Variants in ODF2L observed in about 807,000 individuals in gnomAD.
ODF2L encodes outer dense fiber of sperm tails 2 like.
ODF2L carries 76 observed loss-of-function variants against 86.3 expected under a neutral mutation model. The ratio of observed to expected loss-of-function variants is 0.88; its 90% CI spans 0.73 to 1.07. The LOEUF (loss-of-function observed/expected upper bound fraction) is 1.07, where lower values mean the gene tolerates loss of function less well. ODF2L is among the 50% of genes least tolerant of loss of function. The probability of loss-of-function intolerance (pLI) is 0.00; values close to 1 mark genes in which losing one functional copy is unlikely to be tolerated. For missense variants in ODF2L, 748 were observed against 717.4 expected, an observed-to-expected ratio of 1.04 and a Z score of -0.49; for synonymous variants, 241 against 231.3, an observed-to-expected ratio of 1.04 and a Z score of -0.38.
intron 13 of ODF2L, 93 bp from the exon 13 acceptor site, chr1:86,356,695 G>T: frequency 9.9e-7 from 1 of 1,014,110 alleles, no homozygotes; most frequent in South Asian, 2.4e-5. Context: ...TATAACGTAA[G>T]TATTTTAGGT....
At position 86,381,900 on chromosome 1, in the gene ODF2L, C is replaced by T. The variant is rs912704293; in HGVS notation, c.624+342G>A. 3 of 165,096 alleles carry T rather than the reference C, an allele frequency of 1.8e-5. No individual in the cohort carries two copies. In the Admixed American group the frequency reaches 1.9e-4, roughly 11 times the overall value. 10.2% of individuals were successfully genotyped at this position (165,096 alleles called of 1,614,324 possible). A position where few individuals can be genotyped will look rare whatever the true frequency, so the allele number is the denominator to read the frequency against. ...GGAGAAAAAAGATTGAAATAATGTA[C>T]ACCAAAATGTTAACAATGATTTTGG... On this transcript the variant is annotated intron_variant, in intron 7 of 17. Coordinates refer to ENST00000317336, the Ensembl canonical transcript of ODF2L.
chr1:86,387,734 A>G (rs970407842), intron 1 of ODF2L, among the ~76,000 whole-genome samples: 1 of 152,130 alleles, frequency 6.6e-6, no homozygotes, highest in South Asian at 2.1e-4. Context: ...AACTACTCCA[A>G]TTTAAGTAAT....
chr1:86,388,522 C>A (rs1054774975), intron 1 of ODF2L, among the ~76,000 whole-genome samples: 1 of 151,746 alleles, frequency 6.6e-6, no homozygotes, highest in Admixed American at 6.6e-5. Flanking sequence ...AATAATTGAA[C>A]GAAAACATTA....
intron 1 of ODF2L, among the ~76,000 whole-genome samples, chr1:86,391,876 G>C (rs1043538393): frequency 3.0e-4 from 46 of 152,272 alleles, no homozygotes; most frequent in African/African-American, 1.1e-3. Context: ...AAGAGCTTTT[G>C]CATGGCAAAA....
At chr1:86,352,771 A>C (rs1570342940) in intron 17 of ODF2L, 88 bp downstream of exon 16, 1 of 768,048 alleles carries the variant, frequency 1.3e-6, no homozygotes, top group East Asian at 2.8e-5. Flanking sequence ...GTAAAACAAT[A>C]GACTTGATTC....
At chr1:86,386,656 G>C (rs187039812) in intron 2 of ODF2L, 21 of 354,422 alleles carry the variant, frequency 5.9e-5, no homozygotes, top group Non-Finnish European at 9.4e-5. Flanking sequence ...CCAAAGTGCT[G>C]GGATTACAGG....
chr1:86,387,125 G>GT (rs1029323755), intron 1 of ODF2L, 39 bp from the exon 2 acceptor site: 6 of 563,438 alleles, frequency 1.1e-5, no homozygotes, highest in South Asian at 5.6e-5. Context: ...TTTCAATAGA[G>GT]TTTTTTTGTC....
intron 11 of ODF2L, among the ~76,000 whole-genome samples, chr1:86,368,274 G>C (rs1659577243): frequency 6.6e-6 from 1 of 151,828 alleles, no homozygotes; most frequent in Non-Finnish European, 1.5e-5. Context: ...TTATTTTTTT[G>C]AAAGTATAAA....
Position 86,352,867 on chromosome 1 carries a change from T to C in ODF2L, c.1885A>G (p.Met629Val), listed in dbSNP as rs368979250. ...GCCATGCTAATACTTACACTGTTCA[T>C]TTTGCAAACAAGTTGATTTTGTTCT... Residue 629 changes from methionine to valine, a missense_variant, in exon 17 of 18, where the codon ATG (methionine) becomes GTG (valine). Transcript: ENST00000317336. 4.3e-5 allele frequency: 66 copies of C among 1,527,020 alleles called. No individual in the cohort carries two copies. In the African/African-American group the frequency reaches 8.2e-4, roughly 19 times the overall value. 94.6% of individuals were successfully genotyped at this position (1,527,020 alleles called of 1,614,324 possible).
chr1:86,384,997 A>T (rs1006766079), intron 3 of ODF2L, among the ~76,000 whole-genome samples, 196 bp from the exon 4 acceptor site: 4 of 151,970 alleles, frequency 2.6e-5, no homozygotes, highest in African/African-American at 9.7e-5. Context: ...TGAAATCAAA[A>T]TAAGAGCTTA....
chr1:86,381,009 C>G (rs911748071), intron 7 of ODF2L, among the ~76,000 whole-genome samples: 2 of 150,354 alleles, frequency 1.3e-5, no homozygotes, highest in Non-Finnish European at 3.0e-5. Context: ...AAACCTAACT[C>G]AAAAAGAACT....
chr1:86,395,106 G>A (rs1661636590), intron 1 of ODF2L, among the ~76,000 whole-genome samples: 1 of 152,144 alleles, frequency 6.6e-6, no homozygotes. Context: ...GCCTCCCAAA[G>A]TGCTGGGATT....
chr1:86,348,573 A>G (rs1657918964), downstream of ODF2L: 1 of 436,006 alleles, frequency 2.3e-6, no homozygotes, highest in Non-Finnish European at 3.5e-6. Context: ...AGTAACAACT[A>G]TCCTATTTTA....
At chr1:86,352,317 C>T (rs930111053) in intron 17 of ODF2L, 8 of 1,275,634 alleles carry the variant, frequency 6.3e-6, no homozygotes, top group Admixed American at 3.7e-5. Flanking sequence ...TGCCAATTGA[C>T]TGTTTCATGA....
intron 6 of ODF2L, 26 bp from the exon 7 acceptor site, chr1:86,382,384 A>C: frequency 6.2e-7 from 1 of 1,603,494 alleles, no homozygotes; most frequent in South Asian, 1.1e-5. Context: ...AGAGAAAACC[A>C]AAAAAATCCA....
intron 2 of ODF2L, 169 bp downstream of exon 2, chr1:86,386,746 G>C (rs956801404): frequency 1.2e-5 from 5 of 430,026 alleles, no homozygotes; most frequent in African/African-American, 1.0e-4. Flanking sequence ...AATTCTGCTA[G>C]ATGAGTACAC....
intron 12 of ODF2L, among the ~76,000 whole-genome samples, chr1:86,359,414 C>A: frequency 6.6e-6 from 1 of 152,046 alleles, no homozygotes; most frequent in East Asian, 1.9e-4. Flanking sequence ...CTGAAATATT[C>A]TAACTGGATG....
At chr1:86,376,479 G>T in intron 7 of ODF2L, 61 bp from the exon 8 acceptor site, 1 of 1,012,962 alleles carries the variant, frequency 9.9e-7, no homozygotes, top group Non-Finnish European at 1.5e-6. Flanking sequence ...TGTAAACATT[G>T]TAAAAATATG....
intron 1 of ODF2L, among the ~76,000 whole-genome samples, chr1:86,394,401 G>C (rs528396276): frequency 4.6e-5 from 6 of 129,968 alleles, no homozygotes; most frequent in African/African-American, 1.9e-4. Context: ...GGCAGAGCGA[G>C]ACTCCATCTC....
Sources: gnomAD v4.1 joint callset for allele counts (sites outside exome capture counted in the v4.1 genomes callset) on GRCh38, gnomAD v4.1.1 for gene constraint, MANE v1.5 for transcripts, NCBI Gene and HGNC (gene_info 2026-07-23, HGNC 2026-07-21) for gene names.